FAM13B: variants seen among roughly 807,000 people sequenced by gnomAD.
FAM13B encodes family with sequence similarity 13 member B.
FAM13B carries 60 observed loss-of-function variants against 117.3 expected under a neutral mutation model. The ratio of observed to expected loss-of-function variants is 0.51; its 90% confidence interval spans 0.42 to 0.63. The LOEUF is 0.63. Ranked by LOEUF, FAM13B falls within the 30% of genes least tolerant of loss-of-function variation. The pLI is 0.00. For missense variants in FAM13B, 972 were observed against 1,091.9 expected (o/e 0.89, Z 1.55); for synonymous variants, 332 against 356.1 (o/e 0.93, Z 0.76).
At chr5:138,049,345 C>T (rs1791734385) in intron 1 of FAM13B, among the ~76,000 whole-genome samples, 1 of 152,132 alleles carries the variant, frequency 6.6e-6, no homozygotes. Context: ...GTGATCTCGG[C>T]TCACTACAAC....
At chr5:138,032,684 C>CGGGTGGCAGGCGGCGCTGGG in intron 1 of FAM13B, 98 bp downstream of exon 1, 1 of 976,112 alleles carries the variant, frequency 1.0e-6, no homozygotes, top group Non-Finnish European at 1.2e-6. Flanking sequence ...AGAGCAGGCG[C>CGGGTGGCAGGCGGCGCTGGG]GGGTGGCAGG....
chr5:137,960,083 T>C (rs1767723822), intron 12 of FAM13B, 83 bp downstream of exon 12: 2 of 849,856 alleles, frequency 2.4e-6, no homozygotes, highest in Admixed American at 2.6e-5. Context: ...TCTTTAAACC[T>C]AGCTAACCCA....
chr5:138,031,781 T>A (rs940889402), intron 1 of FAM13B, among the ~76,000 whole-genome samples: 3 of 151,720 alleles, frequency 2.0e-5, no homozygotes, highest in African/African-American at 7.3e-5. Flanking sequence ...AAATGCACAG[T>A]ACCTGTGAGA....
Position 138,007,233 on chromosome 5 carries a change from C to G in FAM13B, c.691-86G>C. The G allele has an allele frequency of 2.9e-6, 3 of 1,032,248 alleles. No homozygotes were observed. The South Asian group carries it at 6.1e-5, about 21-fold the overall frequency. 63.9% of individuals were successfully genotyped at this position (1,032,248 alleles called of 1,614,324 possible). On this transcript the variant is annotated intron_variant, in intron 6 of 23. Transcript: ENST00000689681. ...CATACTATTCTATGAAAATTTTAAA[C>G]ACAAACAACTCATTTTTATTTCCTC...
intron 10 of FAM13B, among the ~76,000 whole-genome samples, chr5:137,980,905 C>T (rs1775522940): frequency 6.6e-6 from 1 of 151,012 alleles, no homozygotes; most frequent in African/African-American, 2.4e-5. Context: ...AATTTCAGCC[C>T]TCATAAAGTT....
chr5:138,034,915 GACA>G (rs1790954980), upstream of FAM13B, among the ~76,000 whole-genome samples: 1 of 143,844 alleles, frequency 7.0e-6, no homozygotes, highest in South Asian at 2.3e-4. Context: ...GGCTCTTGTT[GACA>G]TAACTGACTG....
At chr5:138,001,143 T>G (rs1197828351) in intron 7 of FAM13B, among the ~76,000 whole-genome samples, 1 of 152,184 alleles carries the variant, frequency 6.6e-6, no homozygotes, top group Admixed American at 6.6e-5. Context: ...AATGCTAACT[T>G]AAATCATCCC....
chr5:138,036,319 T>A, upstream of FAM13B: 1 of 447,060 alleles, frequency 2.2e-6, no homozygotes, highest in Admixed American at 2.4e-5. Flanking sequence ...TAGTGACAGC[T>A]CTGTATGGCC....
At chr5:138,012,686 A>G (rs1784342580) in intron 4 of FAM13B, among the ~76,000 whole-genome samples, 1 of 152,214 alleles carries the variant, frequency 6.6e-6, no homozygotes, top group Non-Finnish European at 1.5e-5. Flanking sequence ...TGGGAGAAAT[A>G]AGTGCTCAGA....
intron 10 of FAM13B, among the ~76,000 whole-genome samples, chr5:137,979,935 G>C (rs867074706): frequency 4.0e-4 from 61 of 151,116 alleles, no homozygotes; most frequent in African/African-American, 1.2e-3. Flanking sequence ...GCCAAGGCGC[G>C]AGGATCACCT....
chr5:137,984,929 C>T (rs1352779942), intron 10 of FAM13B, among the ~76,000 whole-genome samples: 6 of 151,900 alleles, frequency 3.9e-5, no homozygotes, highest in East Asian at 1.9e-4. Context: ...CCACCACGCC[C>T]GGCTAATTTT....
At chr5:138,009,102 T>C (rs1195741830) in intron 6 of FAM13B, among the ~76,000 whole-genome samples, 1 of 152,176 alleles carries the variant, frequency 6.6e-6, no homozygotes, top group Non-Finnish European at 1.5e-5. Context: ...ATCGCACCAC[T>C]GCACTCCAGC....
At chr5:138,001,176 A>G (rs908186630) in intron 7 of FAM13B, among the ~76,000 whole-genome samples, 2 of 152,182 alleles carry the variant, frequency 1.3e-5, no homozygotes, top group Admixed American at 1.3e-4. Flanking sequence ...TTCTCTTAGG[A>G]TTCCAACATA....
At chr5:137,956,724 A>G (rs1383713148) in intron 13 of FAM13B, among the ~76,000 whole-genome samples, 182 bp from the exon 14 acceptor site, 4 of 150,190 alleles carry the variant, frequency 2.7e-5, no homozygotes, top group Non-Finnish European at 5.9e-5. Context: ...AAACACAAAC[A>G]TAACATTTCC....
intron 17 of FAM13B, among the ~76,000 whole-genome samples, chr5:137,949,551 G>A (rs1013390370): frequency 6.6e-6 from 1 of 152,132 alleles, no homozygotes; most frequent in Non-Finnish European, 1.5e-5. Flanking sequence ...ATGCCAAGGT[G>A]GGTGGATCAC....
At chr5:137,980,845 T>A (rs1011729691) in intron 10 of FAM13B, among the ~76,000 whole-genome samples, 1 of 152,148 alleles carries the variant, frequency 6.6e-6, no homozygotes, top group Admixed American at 6.6e-5. Context: ...AATGAATACC[T>A]ACTAAGTGTT....
chr5:138,042,342 T>A (rs1183928016), intron 1 of FAM13B, among the ~76,000 whole-genome samples: 1 of 152,164 alleles, frequency 6.6e-6, no homozygotes. Flanking sequence ...AGGAGGGAAG[T>A]CTTTTTGAGG....
chr5:137,941,781 C>T (rs1284459229), intron 23 of FAM13B, among the ~76,000 whole-genome samples, 163 bp downstream of exon 23: 1 of 152,198 alleles, frequency 6.6e-6, no homozygotes, highest in Non-Finnish European at 1.5e-5. Context: ...TATTCCTGGC[C>T]ATTAAAAGCA....
At chr5:137,962,625 C>G (rs942907785) in intron 10 of FAM13B, among the ~76,000 whole-genome samples, 156 bp from the exon 11 acceptor site, 1 of 152,170 alleles carries the variant, frequency 6.6e-6, no homozygotes, top group Non-Finnish European at 1.5e-5. Flanking sequence ...TCTCTTTTTA[C>G]AGAGAGTAAT....
Sources: allele counts gnomAD v4.1 joint callset (sites outside exome capture counted in the v4.1 genomes callset), GRCh38; gene constraint gnomAD v4.1.1; transcripts MANE v1.5; gene names NCBI Gene and HGNC (gene_info 2026-07-23, HGNC 2026-07-21).